The following SI variants were observed in gnomAD, a reference collection of about 807,000 sequenced individuals.
SI encodes the protein sucrase-isomaltase.
Under a neutral mutation model 253.3 loss-of-function variants are expected in SI, and 235 were observed. That is an observed-to-expected ratio of 0.93 (90% CI 0.83 to 1.03). SI has a LOEUF of 1.03. Among genes scored for constraint, SI ranks in the 50% least tolerant of loss-of-function variants. The pLI, the probability that SI is intolerant of heterozygous loss-of-function variation, is 0.00. For synonymous variants in SI, 819 were observed against 712.0 expected (o/e 1.15, Z -2.39); for missense variants, 2,442 against 2,211.1 (o/e 1.10, Z -2.09).
chr3:165,036,705 T>G (rs934301690), intron 21 of SI, among the ~76,000 whole-genome samples: 1 of 151,778 alleles, frequency 6.6e-6, no homozygotes, highest in Non-Finnish European at 1.5e-5. Context: ...AAAGAATAAA[T>G]GTAATAAATG....
intron 34 of SI, among the ~76,000 whole-genome samples, chr3:165,012,531 C>T (rs1268279661): frequency 6.6e-6 from 1 of 152,130 alleles, no homozygotes; most frequent in Non-Finnish European, 1.5e-5. Flanking sequence ...TGGGTTAACA[C>T]CATTCTCCTG....
At chr3:164,992,566 G>GCT (rs1420444709) in intron 41 of SI, among the ~76,000 whole-genome samples, 169 bp from the exon 42 acceptor site, 4 of 151,876 alleles carry the variant, frequency 2.6e-5, no homozygotes, top group Admixed American at 6.6e-5. Flanking sequence ...ATAGTACAAT[G>GCT]CTCAGCAGTA....
At chr3:165,073,970 C>T (rs1168780896) in intron 3 of SI, among the ~76,000 whole-genome samples, 1 of 151,932 alleles carries the variant, frequency 6.6e-6, no homozygotes, top group Non-Finnish European at 1.5e-5. Flanking sequence ...TACATATACA[C>T]CCACACACAA....
chr3:165,058,526 C>T (rs1713813635), intron 12 of SI, among the ~76,000 whole-genome samples: 1 of 151,622 alleles, frequency 6.6e-6, no homozygotes, highest in Non-Finnish European at 1.5e-5. Context: ...AGTCAACTAA[C>T]CTTTAGCTAG....
At chr3:165,028,712 G>A (rs1712061395) in intron 25 of SI, among the ~76,000 whole-genome samples, 1 of 150,016 alleles carries the variant, frequency 6.7e-6, no homozygotes, top group Non-Finnish European at 1.5e-5. Context: ...TCAACAAATG[G>A]TGCTACGATT....
In SI at chr3:164,991,352, C is replaced by A. The variant is rs749011557; in HGVS notation, c.5108+1G>T. 6.2e-7 allele frequency: 1 copy of A among 1,613,648 alleles called. No individual in the cohort carries two copies. The highest frequency in any genetic ancestry group is 8.5e-7 in the Non-Finnish European group (1 of 1,179,686). On this transcript the variant is annotated splice_donor_variant, in intron 44 of 47. Transcript: ENST00000264382. LOFTEE classifies it high-confidence loss of function. ...CTGAGCTTTGTAAACAGTTCACTTA[C>A]CTGTAAAATGTGTTTTGAGCTGGCT... is the stretch of plus-strand genomic sequence containing the variant.
At chr3:165,066,879 T>A (rs557194376) in intron 6 of SI, among the ~76,000 whole-genome samples, 50 of 152,124 alleles carry the variant, frequency 3.3e-4, no homozygotes, top group Non-Finnish European at 4.0e-4. Flanking sequence ...CCAAATCTCT[T>A]GCACCTACAC....
Position 165,062,413 on chromosome 3 carries a change from A to G in SI, c.978T>C (p.Leu326=), listed in dbSNP as rs138644737. The change falls in exon 9 of 48, where the codon CTT becomes CTC. Residue 326 remains leucine, a synonymous_variant. Transcript: ENST00000264382. Reference sequence around the variant, plus strand: ...CTACTTGTTCTGGTGTATCTCCTAGAAGGATGTAAAAATCCAGAATGCCAC... The same window carrying G: ...CTACTTGTTCTGGTGTATCTCCTAGGAGGATGTAAAAATCCAGAATGCCAC... ...VTGGILDFYI[L]LGDTPEQVVQ... is the part of the protein sequence containing the mutation. The G allele has an allele frequency of 6.9e-6, 11 of 1,603,178 alleles. No individual in the cohort carries two copies. The highest frequency in any genetic ancestry group is 1.7e-4 in the Middle Eastern group (1 of 5,976).
chr3:164,994,718 A>C (rs1055785147), intron 40 of SI, among the ~76,000 whole-genome samples: 6 of 151,704 alleles, frequency 4.0e-5, no homozygotes, highest in African/African-American at 1.2e-4. Flanking sequence ...TCAGTGTTAG[A>C]GTGATCAGTG....
At chr3:164,999,237 T>C (rs1227348240) in intron 37 of SI, among the ~76,000 whole-genome samples, 1 of 151,788 alleles carries the variant, frequency 6.6e-6, no homozygotes, top group East Asian at 1.9e-4. Context: ...ACAGAATGGG[T>C]TGTGTAAATG....
intron 25 of SI, among the ~76,000 whole-genome samples, chr3:165,030,094 T>C (rs909219132): frequency 6.6e-6 from 1 of 150,850 alleles, no homozygotes; most frequent in Non-Finnish European, 1.5e-5. Flanking sequence ...ATTTAGTTAT[T>C]TGGTTATATT....
At chr3:165,084,330 G>T in the SI span, among the ~76,000 whole-genome samples, 1 of 151,998 alleles carries the variant, frequency 6.6e-6, no homozygotes, top group South Asian at 2.1e-4. Flanking sequence ...GTGGTATTTT[G>T]TTACAGAAAC....
At chr3:164,989,412 GAAA>G (rs1717615690) in intron 44 of SI, among the ~76,000 whole-genome samples, 1 of 144,552 alleles carries the variant, frequency 6.9e-6, no homozygotes, top group Non-Finnish European at 1.5e-5. Context: ...AAGAAAGAAA[GAAA>G]GAAAGAAAGA....
chr3:165,067,258 T>C (rs1427821324), intron 6 of SI, 82 bp downstream of exon 6: 12 of 1,072,498 alleles, frequency 1.1e-5, no homozygotes, highest in Non-Finnish European at 1.6e-5. Context: ...AATTTATTTC[T>C]ACTGAAAATG....
rs545488897 is a variant in SI at position 165,071,643 on chromosome 3, G to A, written c.256-2448C>T. On this transcript the variant is annotated intron_variant, in intron 3 of 47. Coordinates refer to ENST00000264382, the MANE Select transcript of SI (RefSeq NM_001041.4). ...TATTTGGAGATAGGTCCTTTAAGGGGTTAATTAAGTTTAAATAAGGATATA... is the reference window on the plus strand; with the variant it reads ...TATTTGGAGATAGGTCCTTTAAGGGATTAATTAAGTTTAAATAAGGATATA... Among the ~76,000 whole-genome samples, 100 of 152,110 alleles carry A rather than the reference G, an allele frequency of 6.6e-4. 1 individual carries two copies. Among genetic ancestry groups the A allele is most frequent in the African/African-American group, 2.3e-3 (97 of 41,528 alleles).
chr3:165,079,105 T>G (rs1299252105), upstream of SI, among the ~76,000 whole-genome samples: 1 of 151,600 alleles, frequency 6.6e-6, no homozygotes, highest in African/African-American at 2.4e-5. Context: ...AATCATATTG[T>G]AAACCTTCTC....
chr3:165,013,740 T>C (rs770158873), intron 33 of SI, among the ~76,000 whole-genome samples: 3 of 152,090 alleles, frequency 2.0e-5, no homozygotes, highest in Non-Finnish European at 4.4e-5. Context: ...TGGTAGAGAA[T>C]AGTGCTCTAA....
chr3:165,004,205 A>G (rs1718392853), intron 37 of SI, among the ~76,000 whole-genome samples: 2 of 152,190 alleles, frequency 1.3e-5, no homozygotes, highest in Non-Finnish European at 1.5e-5. Context: ...GAGGTGCTCA[A>G]CATCATCGAT....
chr3:165,075,783 T>A, intron 2 of SI, 112 bp downstream of exon 2: 2 of 659,504 alleles, frequency 3.0e-6, no homozygotes, highest in South Asian at 4.0e-5. Context: ...CCCTGGATTT[T>A]TCTATAAGTG....
Sources: gnomAD v4.1 joint callset for allele counts (sites outside exome capture counted in the v4.1 genomes callset) on GRCh38, gnomAD v4.1.1 for gene constraint, MANE v1.5 for transcripts, NCBI Gene and HGNC (gene_info 2026-07-23, HGNC 2026-07-21) for gene names.